Variants in TGFBR3 observed in about 807,000 individuals in gnomAD.
TGFBR3 encodes the protein transforming growth factor beta receptor type 3.
In TGFBR3, 46 loss-of-function variants were observed where a neutral mutation model predicts 87.9. That is an observed-to-expected ratio of 0.52 (90% CI 0.41 to 0.67). The LOEUF (loss-of-function observed/expected upper bound fraction) is 0.67. TGFBR3 is among the 30% of genes least tolerant of loss of function. TGFBR3 has a pLI of 0.00. For missense variants in TGFBR3, 866 were observed against 1,041.9 expected, an observed-to-expected ratio of 0.83 and a Z score of 2.32; for synonymous variants, 381 against 391.6, an observed-to-expected ratio of 0.97 and a Z score of 0.32.
chr1:91,721,852 A>G (rs1672377125), intron 8 of TGFBR3, 103 bp downstream of exon 8: 2 of 1,084,274 alleles, frequency 1.8e-6, no homozygotes, highest in African/African-American at 1.6e-5. Flanking sequence ...ATTAAAATGT[A>G]CAAGAGAAAA....
chr1:91,759,810 A>C lies in TGFBR3; in HGVS notation c.247-1060T>G, dbSNP rs568483604. On this transcript the variant is annotated intron_variant, in intron 3 of 16. Transcript: ENST00000212355. ...AATGATGCACTGGGAATAATAGTAC[A>C]TCTCAGCTAGAATCCTCATGAGGAT... Among the ~76,000 whole-genome samples the C allele has an allele frequency of 2.6e-5, 4 of 152,342 alleles. No individual in the cohort carries two copies. The South Asian group carries it at 8.3e-4, about 32-fold the overall frequency.
At chr1:91,805,245 G>C (rs1675784521) in intron 2 of TGFBR3, among the ~76,000 whole-genome samples, 1 of 152,188 alleles carries the variant, frequency 6.6e-6, no homozygotes, top group African/African-American at 2.4e-5. Flanking sequence ...CTGGGCATCT[G>C]GTATGTGACG....
chr1:91,729,069 CA>C (rs1228848498), intron 6 of TGFBR3, among the ~76,000 whole-genome samples: 8 of 128,736 alleles, frequency 6.2e-5, no homozygotes, highest in South Asian at 4.7e-4. Flanking sequence ...CACACACACA[CA>C]CACACACCAA....
intron 4 of TGFBR3, among the ~76,000 whole-genome samples, chr1:91,743,802 A>C (rs1293202076): frequency 6.6e-6 from 1 of 152,266 alleles, no homozygotes; most frequent in African/African-American, 2.4e-5. Flanking sequence ...AAATGGGAAC[A>C]AATGCCATGA....
At chr1:91,849,121 C>A (rs186945380) in intron 2 of TGFBR3, among the ~76,000 whole-genome samples, 1 of 152,152 alleles carries the variant, frequency 6.6e-6, no homozygotes, top group Admixed American at 6.5e-5. Context: ...AATAAGGAGT[C>A]CTGGTCATCA....
chr1:91,855,919 T>A (rs1677924137), intron 2 of TGFBR3, among the ~76,000 whole-genome samples: 1 of 152,056 alleles, frequency 6.6e-6, no homozygotes, highest in Non-Finnish European at 1.5e-5. Context: ...CTTTTTTTTT[T>A]AACCCAAGTA....
At position 91,767,008 on chromosome 1, in the gene TGFBR3, G is replaced by C. The variant is rs774093915; in HGVS notation, c.247-8258C>G. On this transcript the variant is annotated intron_variant, in intron 3 of 16. Coordinates refer to ENST00000212355, the MANE Select transcript of TGFBR3 (RefSeq NM_003243.5). ...CCAACCCCAAACTCCTGTGGGAGAT[G>C]GATTTGAGTTTTCCCCCAGTTCAGC... Among the ~76,000 whole-genome samples, 6 of 133,642 alleles carry C rather than the reference G, an allele frequency of 4.5e-5. 2 individuals are homozygous for C. The highest frequency in any genetic ancestry group is 9.8e-5 in the Non-Finnish European group (6 of 60,926). 87.7% of individuals were successfully genotyped at this position (133,642 alleles called of 152,430 possible). A position where few individuals can be genotyped will look rare whatever the true frequency, so the allele number is the denominator to read the frequency against.
chr1:91,783,857 T>A (rs994336270), intron 3 of TGFBR3, among the ~76,000 whole-genome samples: 4 of 152,154 alleles, frequency 2.6e-5, no homozygotes, highest in African/African-American at 9.7e-5. Flanking sequence ...TAAAATGCCC[T>A]CTTTCAGTTA....
At chr1:91,862,903 C>A (rs1266933575) in intron 1 of TGFBR3, among the ~76,000 whole-genome samples, 2 of 152,076 alleles carry the variant, frequency 1.3e-5, no homozygotes, top group African/African-American at 4.8e-5. Context: ...ACAGGAGTTG[C>A]CCATAGCTAC....
intron 1 of TGFBR3, among the ~76,000 whole-genome samples, chr1:91,881,440 A>G (rs569138061): frequency 3.7e-4 from 56 of 152,306 alleles, no homozygotes; most frequent in African/African-American, 1.1e-3. Context: ...AGAAAGCCCT[A>G]AGCAACCTGA....
intron 3 of TGFBR3, among the ~76,000 whole-genome samples, chr1:91,778,293 T>C (rs1363969964): frequency 6.6e-6 from 1 of 152,172 alleles, no homozygotes; most frequent in African/African-American, 2.4e-5. Flanking sequence ...ACTCCAGAAA[T>C]GCTTTTGACT....
At position 91,734,868 on chromosome 1, in the gene TGFBR3, T is replaced by C; in HGVS notation, c.476A>G (p.His159Arg). 1 of 1,614,226 alleles carries C rather than the reference T, an allele frequency of 6.2e-7. No individual in the cohort carries two copies. ...EERNFPHGNE[H>R]LLNWARKEYG... ...CTCTTTTCGGGCCCAATTTAACAGA[T>C]GTTCATTTCCATGGGGGAAGTTCCT... is the stretch of plus-strand genomic sequence containing the variant. Residue 159 changes from histidine to arginine, a missense_variant, in exon 5 of 17, where the codon CAT (histidine) becomes CGT (arginine). Physicochemically the swap from His to Arg is conservative, Grantham distance 29. Transcript: ENST00000212355.
intron 5 of TGFBR3, among the ~76,000 whole-genome samples, chr1:91,730,243 G>A (rs1571450803): frequency 1.3e-5 from 2 of 152,060 alleles, no homozygotes; most frequent in African/African-American, 4.8e-5. Context: ...TCCTGTCCTC[G>A]TCTGTTTCCT....
intron 2 of TGFBR3, among the ~76,000 whole-genome samples, chr1:91,825,650 A>G (rs1490675366): frequency 2.0e-5 from 3 of 152,236 alleles, no homozygotes; most frequent in Non-Finnish European, 4.4e-5. Context: ...ATATCTCAAT[A>G]AACTTGTTAT....
chr1:91,822,664 C>T (rs948823117), intron 2 of TGFBR3, among the ~76,000 whole-genome samples: 11 of 152,270 alleles, frequency 7.2e-5, no homozygotes, highest in African/African-American at 9.6e-5. Flanking sequence ...TGGTGGTACA[C>T]GCCTGTAATC....
chr1:91,767,667 T>C lies in TGFBR3; in HGVS notation c.247-8917A>G, dbSNP rs146406686. The stretch of plus-strand genomic sequence containing the variant: ...TAGAATGAATGTCTCTCCCTGTCTG[T>C]CTGTCTGTCTCTCCCCCTACCTACC... On this transcript the variant is annotated intron_variant, in intron 3 of 16. Transcript: ENST00000212355. 6.6e-3 allele frequency among the ~76,000 whole-genome samples: 695 copies of C among 105,270 alleles called. 159 individuals are homozygous for C. The highest frequency in any genetic ancestry group is 0.011 in the Non-Finnish European group (509 of 47,730). The allele number at this position is 105,270 out of a possible 152,430, so 69.1% of individuals were successfully genotyped here. A position where few individuals can be genotyped will look rare whatever the true frequency, so the allele number is the denominator to read the frequency against.
rs1317457948 is a variant in TGFBR3 at position 91,681,118 on chromosome 1, A to G, written c.*2621T>C. On this transcript the variant is annotated 3_prime_UTR_variant, in exon 17 of 17. Transcript: ENST00000212355. The stretch of plus-strand genomic sequence containing the variant: ...CTGCAGATACAAGAGTTCAGCTGAA[A>G]TACAACAATACTTTTAAAGAAACTT... 1 of 454,176 alleles carries G rather than the reference A, an allele frequency of 2.2e-6. No individual in the cohort carries two copies. Among genetic ancestry groups the G allele is most frequent in the Non-Finnish European group, 4.4e-6 (1 of 226,800 alleles). 28.1% of individuals were successfully genotyped at this position (454,176 alleles called of 1,614,324 possible).
At chr1:91,825,720 C>A (rs1183482182) in intron 2 of TGFBR3, among the ~76,000 whole-genome samples, 1 of 152,194 alleles carries the variant, frequency 6.6e-6, no homozygotes, top group Non-Finnish European at 1.5e-5. Flanking sequence ...GTGGCTCACG[C>A]CTGTAATCCT....
chr1:91,858,179 A>T (rs183294409), intron 2 of TGFBR3, among the ~76,000 whole-genome samples: 2 of 152,328 alleles, frequency 1.3e-5, no homozygotes, highest in Admixed American at 1.3e-4. Flanking sequence ...TTGGGGCCTG[A>T]CACACAGTAA....
Sources: allele counts gnomAD v4.1 joint callset (sites outside exome capture counted in the v4.1 genomes callset), GRCh38; gene constraint gnomAD v4.1.1; transcripts MANE v1.5; gene names NCBI Gene and HGNC (gene_info 2026-07-23, HGNC 2026-07-21).